The following PUM1 variants were observed in gnomAD, a reference collection of about 807,000 sequenced individuals.
PUM1 encodes pumilio homolog 1.
A neutral mutation model predicts 131.8 loss-of-function variants in PUM1; 13 were observed. That is an observed-to-expected ratio of 0.10 (90% CI 0.06 to 0.16). PUM1 has a LOEUF of 0.16. PUM1 is among the 10% of genes least tolerant of loss of function. The pLI is 1.00. For missense variants in PUM1, 961 were observed against 1,512.4 expected, an observed-to-expected ratio of 0.64 and a Z score of 6.05; for synonymous variants, 509 against 556.5, an observed-to-expected ratio of 0.91 and a Z score of 1.20.
intron 2 of PUM1, chr1:31,051,055 A>T (rs1644096595): frequency 6.5e-6 from 1 of 153,020 alleles, no homozygotes; most frequent in Admixed American, 6.5e-5. Flanking sequence ...AAGTTGGACG[A>T]AGTGATCTTC....
rs1412250682 is a variant in PUM1 at position 31,062,307 on chromosome 1, A to ACAG, written c.-11-2731_-11-2730insCTG. Among the ~76,000 whole-genome samples the ACAG allele has an allele frequency of 2.6e-5, 4 of 152,192 alleles. No individual in the cohort carries two copies. In the East Asian group the frequency reaches 5.8e-4, roughly 22 times the overall value. On this transcript the variant is annotated intron_variant, in intron 1 of 21. Transcript: ENST00000426105. ...CTGTACTTAAGATAGAACACTTGCC[A>ACAG]GCCTGTGGGTGCTTTTAAAAAATGC...
chr1:30,968,560 G>C, intron 10 of PUM1, 68 bp from the exon 11 acceptor site: 1 of 1,508,722 alleles, frequency 6.6e-7, no homozygotes, highest in Non-Finnish European at 8.9e-7. Context: ...CCTATGCTCA[G>C]GTTGGGTCAA....
intron 5 of PUM1, among the ~76,000 whole-genome samples, chr1:30,998,356 G>A (rs1164820017): frequency 1.3e-5 from 2 of 152,220 alleles, no homozygotes; most frequent in East Asian, 3.8e-4. Context: ...GATAGTATCA[G>A]CTGCACGCAG....
At chr1:30,980,289 G>T in intron 8 of PUM1, 126 bp from the exon 9 acceptor site, 1 of 753,304 alleles carries the variant, frequency 1.3e-6, no homozygotes. Context: ...GAGAAGACGG[G>T]ACAGGTTGAG....
Position 31,059,236 on chromosome 1 carries a change from G to A in PUM1, c.331C>T (p.Pro111Ser). 1 of 1,607,334 alleles carries A rather than the reference G, an allele frequency of 6.2e-7. No homozygotes were observed. The highest frequency in any genetic ancestry group is 8.5e-7 in the Non-Finnish European group (1 of 1,176,982). The change falls in exon 2 of 22, where the codon CCT becomes TCT. Residue 111 changes from proline (P) to serine (S), a missense_variant. This residue lies in a region of PUM1 where 654 missense variants were observed against 923.9 expected (regional missense o/e 0.71). Transcript: ENST00000426105. The stretch of plus-strand genomic sequence containing the variant: ...TCTGCATGAATGTTATCCCCAGTAG[G>A]CCATCGATGTTTGCTATTATTATAG... The part of the protein sequence containing the change: ...GGYNNSKHRW[P>S]TGDNIHAEHQ...
intron 17 of PUM1, 51 bp from the exon 18 acceptor site, chr1:30,945,534 G>T (rs763975994): frequency 5.3e-5 from 85 of 1,597,130 alleles, no homozygotes; most frequent in Admixed American, 8.4e-5. Flanking sequence ...CAAACATGTG[G>T]ACAAATAATA....
At chr1:31,051,326 G>A (rs1405032137) in intron 2 of PUM1, among the ~76,000 whole-genome samples, 3 of 146,778 alleles carry the variant, frequency 2.0e-5, no homozygotes, top group African/African-American at 7.5e-5. Context: ...TTTTTGAGAC[G>A]GCATTTCGCT....
intron 2 of PUM1, among the ~76,000 whole-genome samples, chr1:31,033,025 G>A (rs767857978): frequency 1.3e-5 from 2 of 150,270 alleles, no homozygotes; most frequent in African/African-American, 2.4e-5. Flanking sequence ...AGAATCGCTT[G>A]AATCCTGTCT....
chr1:31,059,483 T>G lies in PUM1; in HGVS notation c.84A>C (p.Glu28Asp). The change falls in exon 2 of 22, where the codon GAA becomes GAC. Residue 28 changes from glutamate to aspartate, a missense_variant. Physicochemically the swap from Glu to Asp is conservative, Grantham distance 45. This residue lies in a region of PUM1 where 654 missense variants were observed against 923.9 expected (regional missense o/e 0.71). Coordinates refer to ENST00000426105, the MANE Select transcript of PUM1 (RefSeq NM_001020658.2). ...FSPHLKHHPQ[E>D]PANPNMPVVL... is the part of the protein sequence containing the mutation. ...CAACAGGCATGTTGGGATTAGCTGG[T>G]TCTTGAGGGTGATGTTTCAGGTGGG... The G allele has an allele frequency of 6.2e-7, 1 of 1,614,214 alleles. No homozygotes were observed. The highest frequency in any genetic ancestry group is 1.1e-5 in the South Asian group (1 of 91,088).
At chr1:30,982,072 T>G (rs1161776820) in intron 7 of PUM1, 1 of 152,162 alleles carries the variant, frequency 6.6e-6, no homozygotes, top group Non-Finnish European at 1.5e-5. Context: ...TCCAGAGTCT[T>G]CTGGGATACT....
intron 20 of PUM1, among the ~76,000 whole-genome samples, chr1:30,938,535 G>A (rs991684230): frequency 2.0e-5 from 3 of 152,044 alleles, no homozygotes; most frequent in Non-Finnish European, 2.9e-5. Flanking sequence ...TTACAGGTAT[G>A]AGCTACCGTC....
In PUM1 at chr1:30,945,492, G is replaced by A. The variant is rs374163914; in HGVS notation, c.2857-9C>T. ...TCCCGAACCATCTCATTCTAATGGAGACAAAGAAAGCACCACCAGAATCAC... is the reference window on the plus strand; with the variant it reads ...TCCCGAACCATCTCATTCTAATGGAAACAAAGAAAGCACCACCAGAATCAC... On this transcript the variant is annotated splice_polypyrimidine_tract_variant and intron_variant, in intron 17 of 21. Coordinates refer to ENST00000426105, the MANE Select transcript of PUM1 (RefSeq NM_001020658.2). 1.5e-5 allele frequency: 25 copies of A among 1,613,590 alleles called. No individual in the cohort carries two copies. Among genetic ancestry groups the A allele is most frequent in the Non-Finnish European group, 2.1e-5 (25 of 1,179,924 alleles).
chr1:30,960,311 C>T (rs1640351530), intron 14 of PUM1, among the ~76,000 whole-genome samples: 1 of 152,216 alleles, frequency 6.6e-6, no homozygotes, highest in Admixed American at 6.5e-5. Context: ...TGTTAACTTT[C>T]AACAAAGACT....
At position 30,946,085 on chromosome 1, in the gene PUM1, A is replaced by G. The variant is rs201004129; in HGVS notation, c.2857-602T>C. Among the ~76,000 whole-genome samples, 7 of 152,026 alleles carry G rather than the reference A, an allele frequency of 4.6e-5. No individual in the cohort carries two copies. In the East Asian group the frequency reaches 1.4e-3, roughly 30 times the overall value. ...CAGGCATGAGCCACCACACCCGGCC[A>G]ACTCCTAGAGCTTAAAAAAAAATAA... is the stretch of plus-strand genomic sequence containing the variant. On this transcript the variant is annotated intron_variant, in intron 17 of 21. Coordinates refer to ENST00000426105, the MANE Select transcript of PUM1 (RefSeq NM_001020658.2).
rs1173310885 is a variant in PUM1 at position 31,028,880 on chromosome 1, G to C, written c.364-16C>G. 6.2e-7 allele frequency: 1 copy of C among 1,606,024 alleles called. No individual in the cohort carries two copies. On this transcript the variant is annotated splice_polypyrimidine_tract_variant and intron_variant, in intron 2 of 21. Transcript: ENST00000426105. Reference sequence around the variant, plus strand: ...TGGAACGCACCTATTGTTTAGAATAGAGAAGGAAAAATCTTCAAGTCAGCA... The same window carrying C: ...TGGAACGCACCTATTGTTTAGAATACAGAAGGAAAAATCTTCAAGTCAGCA...
intron 14 of PUM1, among the ~76,000 whole-genome samples, chr1:30,961,542 G>A (rs1640408171): frequency 6.6e-6 from 1 of 151,364 alleles, no homozygotes; most frequent in Non-Finnish European, 1.5e-5. Context: ...AAAACGGGGG[G>A]GAATAGAACT....
chr1:31,056,299 A>T (rs923277120), intron 2 of PUM1, among the ~76,000 whole-genome samples: 2 of 150,122 alleles, frequency 1.3e-5, no homozygotes, highest in Non-Finnish European at 3.0e-5. Flanking sequence ...CTTTTTTTGG[A>T]GACAGAGTTT....
chr1:30,974,630 G>T (rs1454169333), intron 10 of PUM1, 21 bp downstream of exon 10: 27 of 1,583,206 alleles, frequency 1.7e-5, no homozygotes, highest in Non-Finnish European at 2.1e-5. Flanking sequence ...CTTAGAAGAG[G>T]TAAATTTTGT....
intron 5 of PUM1, among the ~76,000 whole-genome samples, chr1:31,001,239 C>A (rs1454992205): frequency 6.6e-6 from 1 of 152,002 alleles, no homozygotes; most frequent in Non-Finnish European, 1.5e-5. Flanking sequence ...GTGGCACATG[C>A]ACTCCTGTAG....
Sources: allele counts gnomAD v4.1 joint callset (sites outside exome capture counted in the v4.1 genomes callset), GRCh38; gene constraint gnomAD v4.1.1; regional missense constraint gnomAD v4.1.1; transcripts MANE v1.5; gene names NCBI Gene and HGNC (gene_info 2026-07-23, HGNC 2026-07-21).